ATF6: variants seen among roughly 807,000 people sequenced by gnomAD.
ATF6 encodes cyclic AMP-dependent transcription factor ATF-6 alpha.
A neutral mutation model predicts 83.6 loss-of-function variants in ATF6; 53 were observed. The observed-to-expected ratio is 0.63, with a 90% CI of 0.51 to 0.80. The LOEUF (loss-of-function observed/expected upper bound fraction) is 0.80, where lower values mean the gene tolerates loss of function less well. Ranked by LOEUF, ATF6 falls within the 30% of genes least tolerant of loss-of-function variation. The probability of loss-of-function intolerance (pLI) is 0.00; values close to 1 mark genes in which losing one functional copy is unlikely to be tolerated. For missense variants in ATF6, 744 were observed against 797.9 expected (o/e 0.93, Z 0.81); for synonymous variants, 288 against 285.8 (o/e 1.01, Z -0.08).
chr1:161,821,176 AT>A lies in ATF6; in HGVS notation c.1187+18del. On this transcript the variant is annotated intron_variant, in intron 9 of 15. Coordinates refer to ENST00000367942, the MANE Select transcript of ATF6 (RefSeq NM_007348.4). ...GGACCTATGAGGTAAGTGAATAGAT[AT>A]TTATTTTGGACACTAATGCTAAAAA... 6.5e-7 allele frequency: 1 copy of A among 1,542,650 alleles called. No homozygotes were observed. The highest frequency in any genetic ancestry group is 8.8e-7 in the Non-Finnish European group (1 of 1,129,974).
chr1:161,794,826 T>G (rs776312337), intron 6 of ATF6, among the ~76,000 whole-genome samples: 1 of 151,980 alleles, frequency 6.6e-6, no homozygotes, highest in African/African-American at 2.4e-5. Flanking sequence ...TGAGAGATAA[T>G]GAAAGCCTGG....
At chr1:161,811,410 A>T (rs2134696) in intron 7 of ATF6, among the ~76,000 whole-genome samples, 136,863 of 152,228 alleles carry the variant, frequency 0.9, 61,700 homozygotes, top group African/African-American at 0.96. Context: ...TGAGTATGAG[A>T]TCTAAAGGAA....
At chr1:161,819,539 G>T (rs575591680) in intron 7 of ATF6, 94 bp from the exon 8 acceptor site, 2 of 1,036,274 alleles carry the variant, frequency 1.9e-6, no homozygotes, top group South Asian at 3.4e-5. Flanking sequence ...TGAAAAAATT[G>T]TTGGTTAAAA....
chr1:161,918,714 A>G (rs1210231804), intron 15 of ATF6, among the ~76,000 whole-genome samples: 1 of 152,164 alleles, frequency 6.6e-6, no homozygotes, highest in Non-Finnish European at 1.5e-5. Context: ...TCTGAGTTTA[A>G]AAGTTACATA....
chr1:161,867,078 A>G (rs867659033), intron 14 of ATF6, among the ~76,000 whole-genome samples: 2 of 152,272 alleles, frequency 1.3e-5, no homozygotes, highest in East Asian at 1.9e-4. Context: ...GTGGATCACG[A>G]GGTCAGGAGA....
Position 161,912,314 on chromosome 1 carries a change from G to T in ATF6, c.1738G>T (p.Ala580Ser). The change falls in exon 15 of 16, where the codon GCT becomes TCT. Residue 580 changes from alanine (A) to serine (S), a missense_variant. Transcript: ENST00000367942. ...ATTTTAGGATCACCTGCTGTTACCA[G>T]CTACCACCCATAACAAGACCACAAG... The part of the protein sequence containing the change: ...SFRRDHLLLP[A>S]TTHNKTTRPK... 1.2e-6 allele frequency: 2 copies of T among 1,606,662 alleles called. No homozygotes were observed. The highest frequency in any genetic ancestry group is 1.7e-6 in the Non-Finnish European group (2 of 1,176,766).
intron 9 of ATF6, among the ~76,000 whole-genome samples, chr1:161,822,429 A>G (rs1685788554): frequency 1.3e-5 from 2 of 152,192 alleles, no homozygotes; most frequent in Admixed American, 6.5e-5. Flanking sequence ...TGAATTTGGC[A>G]ATTATCAGGT....
chr1:161,892,918 G>A (rs971697874), intron 14 of ATF6, among the ~76,000 whole-genome samples: 9 of 152,182 alleles, frequency 5.9e-5, no homozygotes, highest in Non-Finnish European at 1.0e-4. Context: ...GATTACAGGC[G>A]TGAGCCACCG....
intron 9 of ATF6, among the ~76,000 whole-genome samples, chr1:161,821,406 T>C (rs1685758488): frequency 6.6e-6 from 1 of 152,260 alleles, no homozygotes; most frequent in Non-Finnish European, 1.5e-5. Flanking sequence ...TAACATAATA[T>C]AGAGTACGAG....
At chr1:161,898,997 T>C (rs1159282222) in intron 14 of ATF6, among the ~76,000 whole-genome samples, 1 of 152,204 alleles carries the variant, frequency 6.6e-6, no homozygotes, top group Admixed American at 6.5e-5. Context: ...CAAACCTGGA[T>C]GAAACTAAAG....
In ATF6 at chr1:161,791,479, C is replaced by T. The variant is rs765582102; in HGVS notation, c.426C>T (p.Leu142=). The change falls in exon 5 of 16, where the codon CTC becomes CTT. Residue 142 remains leucine, a synonymous_variant. Transcript: ENST00000367942. ...LSLYGENSNS[L]SSAEPLKEDK... ...TATATGGTGAAAACTCTAATAGTCT[C>T]TCTTCAGCGGAGCCACTGAAGGAAG... 6 of 1,612,950 alleles carry T rather than the reference C, an allele frequency of 3.7e-6. No homozygotes were observed. The highest frequency in any genetic ancestry group is 5.1e-6 in the Non-Finnish European group (6 of 1,179,608).
At chr1:161,921,035 G>C (rs1019006705) in intron 15 of ATF6, among the ~76,000 whole-genome samples, 1 of 151,838 alleles carries the variant, frequency 6.6e-6, no homozygotes, top group Non-Finnish European at 1.5e-5. Flanking sequence ...CTGGCCATCC[G>C]TTGTTTTTTG....
At chr1:161,890,605 G>A (rs1687527827) in intron 14 of ATF6, among the ~76,000 whole-genome samples, 1 of 152,222 alleles carries the variant, frequency 6.6e-6, no homozygotes, top group South Asian at 2.1e-4. Flanking sequence ...CCAGGTAGGT[G>A]GAAGGGCGGC....
intron 9 of ATF6, among the ~76,000 whole-genome samples, chr1:161,828,479 C>A (rs1685960703): frequency 6.6e-6 from 1 of 152,244 alleles, no homozygotes; most frequent in East Asian, 1.9e-4. Flanking sequence ...GGAAAGAAAG[C>A]TGTGGACCCA....
intron 15 of ATF6, among the ~76,000 whole-genome samples, chr1:161,954,892 T>A (rs942124156): frequency 3.3e-5 from 5 of 152,210 alleles, no homozygotes; most frequent in African/African-American, 1.2e-4. Flanking sequence ...AACATAAGAT[T>A]TGAACCATTT....
intron 9 of ATF6, among the ~76,000 whole-genome samples, chr1:161,829,209 T>TC (rs1685983342): frequency 6.9e-6 from 1 of 145,480 alleles, no homozygotes; most frequent in Non-Finnish European, 1.5e-5. Context: ...TTTTTTTTTT[T>TC]TTTTTGGTGA....
chr1:161,809,358 A>G (rs1366323790), intron 7 of ATF6, among the ~76,000 whole-genome samples: 2 of 152,124 alleles, frequency 1.3e-5, no homozygotes, highest in Non-Finnish European at 2.9e-5. Context: ...CCATGTCCCT[A>G]CAAAGGACAT....
intron 15 of ATF6, among the ~76,000 whole-genome samples, chr1:161,952,626 CTAA>C (rs1200821726): frequency 6.6e-6 from 1 of 151,846 alleles, no homozygotes; most frequent in Non-Finnish European, 1.5e-5. Context: ...TAGGAATTCA[CTAA>C]ATGTTTGTTG....
chr1:161,881,538 G>A (rs548206644), intron 14 of ATF6, among the ~76,000 whole-genome samples: 4 of 152,228 alleles, frequency 2.6e-5, no homozygotes, highest in African/African-American at 4.8e-5. Flanking sequence ...TGAATAGCCC[G>A]ATGGAAGAGA....
Sources: gnomAD v4.1 joint callset for allele counts (sites outside exome capture counted in the v4.1 genomes callset) on GRCh38, gnomAD v4.1.1 for gene constraint, MANE v1.5 for transcripts, NCBI Gene and HGNC (gene_info 2026-07-23, HGNC 2026-07-21) for gene names.